TRPC5: variants seen among roughly 807,000 people sequenced by gnomAD.
The protein encoded by TRPC5 is transient receptor potential cation channel subfamily C member 5, also known as short transient receptor potential channel 5.
A neutral mutation model predicts 56.5 loss-of-function variants in TRPC5; 9 were observed. The observed-to-expected ratio is 0.16, with a 90% CI of 0.10 to 0.28. The LOEUF is 0.28. TRPC5 is among the 10% of genes least tolerant of loss of function. TRPC5 has a pLI of 1.00. For synonymous variants in TRPC5, 282 were observed against 278.5 expected (o/e 1.01, Z -0.13); for missense variants, 469 against 748.9 (o/e 0.63, Z 4.36).
At chrX:111,939,146 A>T (rs1394223806) in intron 2 of TRPC5, among the ~76,000 whole-genome samples, 1 of 112,229 alleles carries the variant, frequency 8.9e-6, no homozygotes, top group African/African-American at 3.2e-5. Context: ...TTCAGCATCA[A>T]TTGAAATAAT....
chrX:111,905,732 A>G (rs747418416), intron 3 of TRPC5, among the ~76,000 whole-genome samples: 128 of 109,067 alleles, frequency 1.2e-3, no homozygotes, highest in Middle Eastern at 4.7e-3. Flanking sequence ...GGCTAACACG[A>G]TGAAACCCCG....
intron 7 of TRPC5, among the ~76,000 whole-genome samples, chrX:111,812,870 T>C (rs963465942): frequency 8.9e-6 from 1 of 112,584 alleles, no homozygotes; most frequent in African/African-American, 3.2e-5. Flanking sequence ...TAGAAATCTG[T>C]TTTATTTATA....
At chrX:112,078,528 C>A (rs750628868) in intron 1 of TRPC5, among the ~76,000 whole-genome samples, 22 of 111,224 alleles carry the variant, frequency 2.0e-4, no homozygotes, top group African/African-American at 6.9e-4. Context: ...GAGGATTGAC[C>A]CCTCCAAGAT....
chrX:112,045,755 A>G (rs1016687533), intron 1 of TRPC5, among the ~76,000 whole-genome samples: 2 of 112,152 alleles, frequency 1.8e-5, no homozygotes, highest in African/African-American at 6.5e-5. Context: ...AGGGTTTATT[A>G]TAAGTGGGAG....
At chrX:111,883,213 T>A (rs1299755874) in intron 3 of TRPC5, among the ~76,000 whole-genome samples, 1 of 112,520 alleles carries the variant, frequency 8.9e-6, no homozygotes, top group Non-Finnish European at 1.9e-5. Flanking sequence ...GTTGCCCAAG[T>A]CTAGTTTTGG....
At chrX:111,929,370 T>C (rs1203287473) in intron 2 of TRPC5, among the ~76,000 whole-genome samples, 1 of 112,541 alleles carries the variant, frequency 8.9e-6, no homozygotes, top group Non-Finnish European at 1.9e-5. Context: ...AAGGTTGTGT[T>C]CCATCAAATT....
chrX:111,963,955 T>A (rs1927475849), intron 1 of TRPC5, among the ~76,000 whole-genome samples: 1 of 111,672 alleles, frequency 9.0e-6, no homozygotes, highest in South Asian at 3.7e-4. Flanking sequence ...TCACCAGCAA[T>A]GGAACAAAGC....
intron 2 of TRPC5, among the ~76,000 whole-genome samples, chrX:111,951,274 T>C (rs779495154): frequency 8.9e-6 from 1 of 111,942 alleles, no homozygotes; most frequent in Non-Finnish European, 1.9e-5. Context: ...CAGGTAATGC[T>C]GATGCTGCTA....
chrX:112,038,981 C>G (rs771937618), intron 1 of TRPC5, among the ~76,000 whole-genome samples: 1 of 108,833 alleles, frequency 9.2e-6, no homozygotes, highest in Admixed American at 9.8e-5. Flanking sequence ...TGAGCCACCG[C>G]GCCCAGCCTA....
chrX:111,805,285 TC>T (rs1921463937), intron 7 of TRPC5, among the ~76,000 whole-genome samples: 1 of 112,179 alleles, frequency 8.9e-6, no homozygotes, highest in African/African-American at 3.2e-5. Context: ...GCATCAATGT[TC>T]ATCAGGGATA....
intron 7 of TRPC5, among the ~76,000 whole-genome samples, chrX:111,825,531 T>G (rs1396558341): frequency 9.0e-6 from 1 of 110,651 alleles, no homozygotes; most frequent in Admixed American, 9.8e-5. Flanking sequence ...GTGCTGAGAT[T>G]ACAGGCATGA....
intron 2 of TRPC5, among the ~76,000 whole-genome samples, chrX:111,929,043 T>G (rs941501537): frequency 2.7e-5 from 3 of 112,146 alleles, no homozygotes; most frequent in Admixed American, 9.5e-5. Flanking sequence ...TTACTACTGC[T>G]TAGTTTTCTC....
chrX:111,978,721 A>G (rs1348169083), intron 1 of TRPC5, among the ~76,000 whole-genome samples: 1 of 110,940 alleles, frequency 9.0e-6, no homozygotes, highest in African/African-American at 3.3e-5. Context: ...GAAGTTTGCT[A>G]TGAGGCTGGA....
At chrX:111,798,914 T>C (rs1921207622) in intron 7 of TRPC5, among the ~76,000 whole-genome samples, 1 of 112,121 alleles carries the variant, frequency 8.9e-6, no homozygotes, top group Admixed American at 9.5e-5. Context: ...AAAGATGGTT[T>C]GATAATTTTA....
At chrX:111,885,525 G>T (rs1297956173) in intron 3 of TRPC5, among the ~76,000 whole-genome samples, 1 of 108,953 alleles carries the variant, frequency 9.2e-6, no homozygotes, top group Admixed American at 9.8e-5. Context: ...AGATTGGTTG[G>T]CCACTCTAAT....
chrX:111,982,441 C>T (rs1329394274), intron 1 of TRPC5, among the ~76,000 whole-genome samples: 1 of 111,125 alleles, frequency 9.0e-6, no homozygotes, highest in Non-Finnish European at 1.9e-5. Context: ...AGGTTCTGGG[C>T]CATTAAGCAT....
chrX:112,008,634 T>C (rs1928910353), intron 1 of TRPC5, among the ~76,000 whole-genome samples: 2 of 109,223 alleles, frequency 1.8e-5, no homozygotes, highest in Admixed American at 2.0e-4. Flanking sequence ...GAAGGTGACT[T>C]TTGAGACAGA....
At chrX:111,945,847 A>G (rs1477486292) in intron 2 of TRPC5, among the ~76,000 whole-genome samples, 1 of 112,208 alleles carries the variant, frequency 8.9e-6, no homozygotes, top group Non-Finnish European at 1.9e-5. Flanking sequence ...AAGATAAGGG[A>G]GGGACTCAGT....
chrX:111,878,331 G>T (rs751499902), intron 3 of TRPC5, among the ~76,000 whole-genome samples: 17 of 111,256 alleles, frequency 1.5e-4, no homozygotes, highest in Middle Eastern at 9.2e-3. Context: ...AAAACTAAGT[G>T]ATAAGTGATA....
Sources: allele counts gnomAD v4.1 joint callset (sites outside exome capture counted in the v4.1 genomes callset), GRCh38; gene constraint gnomAD v4.1.1; transcripts MANE v1.5; gene names NCBI Gene and HGNC (gene_info 2026-07-23, HGNC 2026-07-21).